PIP5K1C: variants seen among roughly 807,000 people sequenced by gnomAD.
PIP5K1C encodes phosphatidylinositol 4-phosphate 5-kinase type-1 gamma.
A neutral mutation model predicts 80.1 loss-of-function variants in PIP5K1C; 45 were observed. The ratio of observed to expected loss-of-function variants is 0.56; its 90% confidence interval spans 0.44 to 0.72. The LOEUF is 0.72. Among genes scored for constraint, PIP5K1C ranks in the 30% least tolerant of loss-of-function variants. The pLI is 0.00. For missense variants in PIP5K1C, 753 were observed against 954.6 expected, an observed-to-expected ratio of 0.79 and a Z score of 2.78; for synonymous variants, 498 against 420.1, an observed-to-expected ratio of 1.19 and a Z score of -2.27.
intron 6 of PIP5K1C, among the ~76,000 whole-genome samples, chr19:3,655,107 CAAAAAAAAAAAA>C (rs545856738): frequency 4.4e-5 from 2 of 45,862 alleles, no homozygotes; most frequent in East Asian, 1.3e-3. Flanking sequence ...GACTCCATCT[CAAAAAAAAAAAA>C]AAAAAAAAAA....
At chr19:3,685,887 G>A (rs1335899819) in intron 1 of PIP5K1C, among the ~76,000 whole-genome samples, 2 of 151,920 alleles carry the variant, frequency 1.3e-5, no homozygotes, top group Non-Finnish European at 2.9e-5. Flanking sequence ...TTGTAGAGAC[G>A]GGGTCTTGCA....
chr19:3,651,797 A>G, intron 8 of PIP5K1C, 29 bp downstream of exon 8: 1 of 1,599,846 alleles, frequency 6.3e-7, no homozygotes, highest in Non-Finnish European at 8.5e-7. Context: ...GGGAAGCGGG[A>G]CGGGTCCGGC....
chr19:3,668,721 G>C (rs1189814087), intron 1 of PIP5K1C, among the ~76,000 whole-genome samples: 1 of 152,224 alleles, frequency 6.6e-6, no homozygotes, highest in Non-Finnish European at 1.5e-5. Flanking sequence ...GGTCAACAGG[G>C]GTGGGCGCAG....
intron 3 of PIP5K1C, among the ~76,000 whole-genome samples, chr19:3,662,747 G>A (rs2034877196): frequency 6.6e-6 from 1 of 152,100 alleles, no homozygotes; most frequent in Non-Finnish European, 1.5e-5. Context: ...TGTATTTTTA[G>A]TAGAGACGGG....
chr19:3,680,992 A>C (rs2035572917), intron 1 of PIP5K1C, among the ~76,000 whole-genome samples: 1 of 152,168 alleles, frequency 6.6e-6, no homozygotes, highest in African/African-American at 2.4e-5. Flanking sequence ...CCTACCCCAG[A>C]GAAAGATCAG....
At chr19:3,676,803 ACTG>A (rs1372814675) in intron 1 of PIP5K1C, among the ~76,000 whole-genome samples, 2 of 152,236 alleles carry the variant, frequency 1.3e-5, no homozygotes, top group African/African-American at 2.4e-5. Flanking sequence ...AGAAAGGGAG[ACTG>A]CTTTTACTTT....
At chr19:3,694,342 C>T (rs1396921298) in intron 1 of PIP5K1C, among the ~76,000 whole-genome samples, 1 of 152,208 alleles carries the variant, frequency 6.6e-6, no homozygotes, top group Admixed American at 6.5e-5. Context: ...CCCGGAGCCT[C>T]CACCTGCTTT....
intron 1 of PIP5K1C, among the ~76,000 whole-genome samples, chr19:3,699,091 T>C (rs1014887447): frequency 1.3e-5 from 2 of 151,948 alleles, no homozygotes; most frequent in Admixed American, 6.6e-5. Context: ...GGCTACTTTG[T>C]CTCTGACCAG....
At chr19:3,639,638 C>A (rs2033880396) in intron 15 of PIP5K1C, among the ~76,000 whole-genome samples, 1 of 151,764 alleles carries the variant, frequency 6.6e-6, no homozygotes, top group Admixed American at 6.6e-5. Flanking sequence ...CACTATGTTG[C>A]CCAGGCTGGT....
rs2034282463 is a variant in PIP5K1C, at chr19:3,647,511, A to C, written c.1212-125T>G. The C allele has an allele frequency of 2.9e-5, 24 of 828,390 alleles. 1 individual carries two copies. In the South Asian group the frequency reaches 3.3e-4, roughly 11 times the overall value. 51.3% of individuals were successfully genotyped at this position (828,390 alleles called of 1,614,324 possible). A position where few individuals can be genotyped will look rare whatever the true frequency, so the allele number is the denominator to read the frequency against. ...TGGCCTCAAGCAGTCGTGGCTGTCA[A>C]AACTCAGGGTGGCAGGTGCTCCTGG... On this transcript the variant is annotated intron_variant, in intron 9 of 17. Coordinates refer to ENST00000335312, the MANE Select transcript of PIP5K1C (RefSeq NM_012398.3).
chr19:3,691,272 C>T (rs1195501688), intron 1 of PIP5K1C, among the ~76,000 whole-genome samples: 1 of 152,174 alleles, frequency 6.6e-6, no homozygotes, highest in African/African-American at 2.4e-5. Flanking sequence ...ACGGAGCGCC[C>T]GGTCTGGTAC....
At chr19:3,655,869 T>C (rs1283160300) in intron 6 of PIP5K1C, among the ~76,000 whole-genome samples, 1 of 152,208 alleles carries the variant, frequency 6.6e-6, no homozygotes, top group Non-Finnish European at 1.5e-5. Context: ...CGCCGGCTCC[T>C]ACTCCTACTC....
chr19:3,633,911 C>T (rs1223928166), intron 16 of PIP5K1C, among the ~76,000 whole-genome samples: 1 of 152,140 alleles, frequency 6.6e-6, no homozygotes, highest in African/African-American at 2.4e-5. Context: ...GTGCCACGGG[C>T]ACCAGCGCAC....
intron 1 of PIP5K1C, among the ~76,000 whole-genome samples, chr19:3,698,528 G>A (rs2036196291): frequency 6.6e-6 from 1 of 152,234 alleles, no homozygotes; most frequent in African/African-American, 2.4e-5. Context: ...TTTCTCACCA[G>A]GGCCGTCCTG....
At chr19:3,698,371 G>A (rs892234679) in intron 1 of PIP5K1C, among the ~76,000 whole-genome samples, 1 of 152,248 alleles carries the variant, frequency 6.6e-6, no homozygotes, top group Non-Finnish European at 1.5e-5. Flanking sequence ...CTGGGAGGGG[G>A]ACATCGGCGG....
chr19:3,667,593 C>T (rs1385063637), intron 1 of PIP5K1C, among the ~76,000 whole-genome samples: 1 of 152,232 alleles, frequency 6.6e-6, no homozygotes, highest in Non-Finnish European at 1.5e-5. Flanking sequence ...GGGCCTAGAG[C>T]AGGGGAGAGG....
At position 3,648,487 on chromosome 19, in the gene PIP5K1C, T is replaced by G; in HGVS notation, c.1211+138A>C. The G allele has an allele frequency of 4.8e-6, 4 of 832,226 alleles. No homozygotes were observed. The South Asian group carries it at 5.6e-5, about 12-fold the overall frequency. The allele number at this position is 832,226 out of a possible 1,614,324, so 51.6% of individuals were successfully genotyped here. A position where few individuals can be genotyped will look rare whatever the true frequency, so the allele number is the denominator to read the frequency against. ...TGTCCTGGGGGCGCCCATCCACCTG[T>G]GGGACTGCAGACCCAGGCGCCCACC... On this transcript the variant is annotated intron_variant, in intron 9 of 17. Transcript: ENST00000335312. The surrounding 1 kb of genome is among the most constrained non-coding windows in gnomAD (Gnocchi z 4.3).
chr19:3,698,331 T>C (rs948729469), intron 1 of PIP5K1C, among the ~76,000 whole-genome samples: 5 of 152,328 alleles, frequency 3.3e-5, no homozygotes, highest in African/African-American at 1.2e-4. Flanking sequence ...CCCGGGGAAG[T>C]GACGGCCACA....
In PIP5K1C at chr19:3,682,928, ACCTCCCCTCCTCCC is replaced by A. The variant is rs201640734; in HGVS notation, c.95-15589_95-15576del. On this transcript the variant is annotated intron_variant, in intron 1 of 17. Transcript: ENST00000335312. ...CTGGACAGAGGCCCAGATGGAGAACACCTCCCCTCCTCCCCCTCCCCTCCCCTCCTGTCCTTCCC... is the reference window on the plus strand; with the variant it reads ...CTGGACAGAGGCCCAGATGGAGAACACCTCCCCTCCCCTCCTGTCCTTCCC... 3.5e-3 allele frequency among the ~76,000 whole-genome samples: 500 copies of A among 143,176 alleles called. 4 individuals are homozygous for A. Among genetic ancestry groups the A allele is most frequent in the African/African-American group, 0.013 (477 of 38,130 alleles). 93.9% of individuals were successfully genotyped at this position (143,176 alleles called of 152,430 possible). A position where few individuals can be genotyped will look rare whatever the true frequency, so the allele number is the denominator to read the frequency against.
Sources: allele counts gnomAD v4.1 joint callset (sites outside exome capture counted in the v4.1 genomes callset), GRCh38; gene constraint gnomAD v4.1.1; non-coding constraint Gnocchi (gnomAD v3.1); transcripts MANE v1.5; gene names NCBI Gene and HGNC (gene_info 2026-07-23, HGNC 2026-07-21).